Variants in C11orf65 observed in about 807,000 individuals in gnomAD.
C11orf65 encodes chromosome 11 open reading frame 65, also known as protein MFI.
C11orf65 carries 38 observed loss-of-function variants against 35.3 expected under a neutral mutation model. The observed-to-expected ratio is 1.08, with a 90% confidence interval of 0.83 to 1.41. The LOEUF (loss-of-function observed/expected upper bound fraction) is 1.41. Among genes scored for constraint, C11orf65 ranks in the 40% most tolerant of loss-of-function variants. The probability of loss-of-function intolerance (pLI) is 0.00; values close to 1 mark genes in which losing one functional copy is unlikely to be tolerated. For missense variants in C11orf65, 370 were observed against 367.1 expected (o/e 1.01, Z -0.06); for synonymous variants, 105 against 114.4 (o/e 0.92, Z 0.53).
At chr11:108,408,935 C>A (rs947471452) in intron 3 of C11orf65, among the ~76,000 whole-genome samples, 2 of 151,880 alleles carry the variant, frequency 1.3e-5, no homozygotes, top group Middle Eastern at 3.2e-3. Flanking sequence ...GAATAATCTT[C>A]TCTTGACTAA....
rs12282047 is a variant in C11orf65 at position 108,412,243 on chromosome 11, A to G, written c.175-5094T>C. On this transcript the variant is annotated intron_variant, in intron 3 of 8. Coordinates refer to ENST00000393084, the MANE Select transcript of C11orf65 (RefSeq NM_152587.5). ...TCTTTAGTCTATTTACATGTAAAAC[A>G]TACACATGAAATCGTATAAAATGCT... Among the ~76,000 whole-genome samples, 1,167 of 152,280 alleles carry G rather than the reference A, an allele frequency of 7.7e-3. 10 individuals are homozygous for G. Among genetic ancestry groups the G allele is most frequent in the African/African-American group, 0.026 (1,071 of 41,550 alleles).
At chr11:108,350,069 T>C (rs2088997709) in intron 2 of C11orf65, among the ~76,000 whole-genome samples, 1 of 152,106 alleles carries the variant, frequency 6.6e-6, no homozygotes, top group South Asian at 2.1e-4. Flanking sequence ...ACAAATAAAA[T>C]TCTAAAATTT....
At chr11:108,332,981 A>C in intron 3 of C11orf65, 1 of 1,505,772 alleles carries the variant, frequency 6.6e-7, no homozygotes, top group Non-Finnish European at 9.1e-7. Flanking sequence ...GAGCCTAATA[A>C]GTAAATCTGC....
intron 6 of C11orf65, among the ~76,000 whole-genome samples, chr11:108,319,390 T>C (rs1421533956): frequency 1.3e-5 from 2 of 152,206 alleles, no homozygotes; most frequent in Admixed American, 6.5e-5. Context: ...GCTGTTTCTA[T>C]CCAAGGGCCT....
chr11:108,461,523 C>T lies in C11orf65; in HGVS notation c.37G>A (p.Asp13Asn). ...TGCTGAATGACTCTGGCAGCCTTAT[C>T]CTGCTTTGTAAATTCTGATTCCTCT... ...WKEESEFTKQ[D>N]KAARVIQQAW... Residue 13 changes from aspartate (D) to asparagine (N), a missense_variant, in exon 2 of 9, where the codon GAT becomes AAT. Transcript: ENST00000393084. 1 of 1,610,450 alleles carries T rather than the reference C, an allele frequency of 6.2e-7. No individual in the cohort carries two copies. The highest frequency in any genetic ancestry group is 8.5e-7 in the Non-Finnish European group (1 of 1,178,372).
chr11:108,393,106 G>A, intron 7 of C11orf65, 102 bp downstream of exon 7: 1 of 1,196,090 alleles, frequency 8.4e-7, no homozygotes, highest in Non-Finnish European at 1.1e-6. Context: ...TTTTTTCTTT[G>A]AAGATTGTTT....
At chr11:108,339,993 A>G (rs2136830676) in intron 2 of C11orf65, among the ~76,000 whole-genome samples, 1 of 152,302 alleles carries the variant, frequency 6.6e-6, no homozygotes, top group Non-Finnish European at 1.5e-5. Flanking sequence ...TACTCTACTG[A>G]GTGCTAGGTC....
intron 7 of C11orf65, among the ~76,000 whole-genome samples, chr11:108,392,056 T>C (rs541167653): frequency 6.7e-6 from 1 of 150,252 alleles, no homozygotes; most frequent in Admixed American, 6.6e-5. Flanking sequence ...ACTTGGCTTT[T>C]TGTGTGTGTG....
chr11:108,401,625 C>T lies in C11orf65; in HGVS notation c.560+3804G>A, dbSNP rs181195239. On this transcript the variant is annotated intron_variant, in intron 6 of 8. Transcript: ENST00000393084. ...TGTTTCTTGCTTCTGTAATATGCTT[C>T]CCCCTGCACAGATCTCCCCCAACCC... Among the ~76,000 whole-genome samples the T allele has an allele frequency of 3.4e-3, 517 of 152,210 alleles. 1 individual carries two copies. The highest frequency in any genetic ancestry group is 5.4e-3 in the Non-Finnish European group (369 of 68,008).
At position 108,335,287 on chromosome 11, in the gene C11orf65, G is replaced by GTGTCTCTGAAAGACAA; in HGVS notation, c.227-11_231dup (p.Thr78IlefsTer18). On this transcript the variant is annotated frameshift_variant, in exon 3 of 4. Transcript: ENST00000524755. LOFTEE classifies it high-confidence loss of function. ...AACCAGGCTTTTCTCCATTTTTTTTGTGTCTCTGAAAGACAATCATTATTA... is the reference window on the plus strand; with the variant it reads ...AACCAGGCTTTTCTCCATTTTTTTTGTGTCTCTGAAAGACAATGTCTCTGAAAGACAATCATTATTA... 6.6e-7 allele frequency: 1 copy of GTGTCTCTGAAAGACAA among 1,512,894 alleles called. No homozygotes were observed. The highest frequency in any genetic ancestry group is 8.8e-7 in the Non-Finnish European group (1 of 1,133,602). 93.7% of individuals were successfully genotyped at this position (1,512,894 alleles called of 1,614,324 possible). A position where few individuals can be genotyped will look rare whatever the true frequency, so the allele number is the denominator to read the frequency against.
intron 2 of C11orf65, among the ~76,000 whole-genome samples, chr11:108,459,037 AT>A (rs1436850575): frequency 6.6e-6 from 1 of 152,164 alleles, no homozygotes; most frequent in Non-Finnish European, 1.5e-5. Flanking sequence ...GAGTGGGAAA[AT>A]TGCCTGGGGG....
chr11:108,444,488 C>T (rs1355533506), intron 2 of C11orf65, among the ~76,000 whole-genome samples: 1 of 152,132 alleles, frequency 6.6e-6, no homozygotes, highest in Non-Finnish European at 1.5e-5. Flanking sequence ...ATCATCCTGA[C>T]ACCAAAGCCT....
At chr11:108,445,127 C>A (rs1313713695) in intron 2 of C11orf65, among the ~76,000 whole-genome samples, 5 of 152,148 alleles carry the variant, frequency 3.3e-5, no homozygotes, top group African/African-American at 9.7e-5. Context: ...TGGATGGAGC[C>A]CACCACAGCT....
intron 2 of C11orf65, among the ~76,000 whole-genome samples, chr11:108,339,489 T>A (rs543636394): frequency 2.6e-5 from 4 of 152,280 alleles, no homozygotes; most frequent in Admixed American, 6.5e-5. Flanking sequence ...AGCTGTGTAC[T>A]TTCAGAGAAC....
intron 2 of C11orf65, chr11:108,343,094 T>G (rs1407155055): frequency 1.6e-6 from 2 of 1,230,776 alleles, no homozygotes; most frequent in Admixed American, 3.5e-5. Context: ...AGCTTTGTCT[T>G]CTATGGACAG....
At chr11:108,446,449 C>G (rs1325119654) in intron 2 of C11orf65, among the ~76,000 whole-genome samples, 1 of 151,646 alleles carries the variant, frequency 6.6e-6, no homozygotes, top group Admixed American at 6.6e-5. Flanking sequence ...AGAAACTCTA[C>G]AAGCCAGAAG....
chr11:108,391,860 A>G lies in C11orf65; in HGVS notation c.731+1348T>C, dbSNP rs139838867. ...ATAAAATAACACATGATCCTTTGTG[A>G]TTGGCTTCTTTCACTTAGCAGATTC... is the stretch of plus-strand genomic sequence containing the variant. On this transcript the variant is annotated intron_variant, in intron 7 of 8. Transcript: ENST00000393084. Among the ~76,000 whole-genome samples the G allele has an allele frequency of 2.8e-3, 421 of 150,554 alleles. 1 individual carries two copies. Among genetic ancestry groups the G allele is most frequent in the African/African-American group, 9.8e-3 (403 of 40,970 alleles).
chr11:108,402,486 T>C (rs989256636), intron 6 of C11orf65, among the ~76,000 whole-genome samples: 1 of 152,076 alleles, frequency 6.6e-6, no homozygotes, highest in African/African-American at 2.4e-5. Flanking sequence ...CCTCAACCCA[T>C]GCTGTGACTA....
At chr11:108,456,525 T>G (rs1038678124) in intron 2 of C11orf65, among the ~76,000 whole-genome samples, 3 of 152,144 alleles carry the variant, frequency 2.0e-5, no homozygotes, top group Admixed American at 6.6e-5. Flanking sequence ...CTCACCTCTG[T>G]AATCTCAGCA....
Sources: gnomAD v4.1 joint callset for allele counts (sites outside exome capture counted in the v4.1 genomes callset) on GRCh38, gnomAD v4.1.1 for gene constraint, MANE v1.5 for transcripts, NCBI Gene and HGNC (gene_info 2026-07-23, HGNC 2026-07-21) for gene names.